XKR9: variants seen among roughly 807,000 people sequenced by gnomAD.
The protein encoded by XKR9 is XK-related protein 9.
XKR9 carries 32 observed loss-of-function variants against 32.0 expected under a neutral mutation model. The ratio of observed to expected loss-of-function variants is 1.00; its 90% confidence interval spans 0.76 to 1.34. The LOEUF is 1.34. XKR9 is among the 40% of genes most tolerant of loss of function. The probability of loss-of-function intolerance (pLI) is 0.00; values close to 1 mark genes in which losing one functional copy is unlikely to be tolerated. For synonymous variants in XKR9, 168 were observed against 143.4 expected (o/e 1.17, Z -1.22); for missense variants, 546 against 429.7 (o/e 1.27, Z -2.39).
chr8:70,847,696 A>G, the XKR9 span, among the ~76,000 whole-genome samples: 4 of 151,942 alleles, frequency 2.6e-5, no homozygotes, highest in Admixed American at 6.6e-5. Context: ...ATGTTCAACT[A>G]TACATCAGAA....
At chr8:70,811,545 A>G in the XKR9 span, among the ~76,000 whole-genome samples, 1 of 152,200 alleles carries the variant, frequency 6.6e-6, no homozygotes, top group East Asian at 1.9e-4. Flanking sequence ...GACTGGTAGC[A>G]AGACTAATAA....
chr8:70,826,747 C>G, the XKR9 span, among the ~76,000 whole-genome samples: 2 of 152,200 alleles, frequency 1.3e-5, no homozygotes, highest in East Asian at 1.9e-4. Flanking sequence ...TGGAGCTTAG[C>G]TGTTTAATAC....
chr8:70,872,902 T>C, the XKR9 span, among the ~76,000 whole-genome samples: 5 of 152,164 alleles, frequency 3.3e-5, no homozygotes, highest in African/African-American at 1.2e-4. Flanking sequence ...TCAGGTGATC[T>C]GCCTGCCTTG....
At chr8:70,806,436 T>C in the XKR9 span, among the ~76,000 whole-genome samples, 2 of 152,106 alleles carry the variant, frequency 1.3e-5, no homozygotes, top group African/African-American at 4.8e-5. Flanking sequence ...TAGACAGAAG[T>C]AGGCCTGAAA....
At chr8:70,916,807 T>C in the XKR9 span, among the ~76,000 whole-genome samples, 1 of 152,064 alleles carries the variant, frequency 6.6e-6, no homozygotes. Flanking sequence ...TTCCATTGAT[T>C]GGAGTATTGA....
the XKR9 span, among the ~76,000 whole-genome samples, chr8:70,868,494 A>G: frequency 2.0e-5 from 3 of 151,508 alleles, no homozygotes; most frequent in Non-Finnish European, 4.4e-5. Context: ...CTCTGAAGCT[A>G]TGGCCCGAGC....
rs575525751 is a variant in XKR9, at chr8:70,705,691, C to T, written c.273-1242C>T. Among the ~76,000 whole-genome samples the T allele has an allele frequency of 6.2e-4, 95 of 152,148 alleles. 2 individuals carry two copies. The highest frequency in any genetic ancestry group is 2.1e-3 in the African/African-American group (86 of 41,524). ...AACATATGATAAGGACTTCGGATTT[C>T]GTTCTAAGTTTGATGGAAATCATTG... is the stretch of plus-strand genomic sequence containing the variant. On this transcript the variant is annotated intron_variant, in intron 3 of 4. Transcript: ENST00000408926.
intron 2 of XKR9, among the ~76,000 whole-genome samples, chr8:70,788,425 C>T (rs144707566): frequency 2.0e-5 from 3 of 152,164 alleles, no homozygotes; most frequent in African/African-American, 7.2e-5. Flanking sequence ...TACCGTTGGG[C>T]AGGTGGGCCA....
At chr8:70,854,379 T>C in the XKR9 span, among the ~76,000 whole-genome samples, 5 of 152,216 alleles carry the variant, frequency 3.3e-5, no homozygotes, top group Non-Finnish European at 7.3e-5. Context: ...GGTTGTTTTT[T>C]TCTTGTAAAT....
the XKR9 span, among the ~76,000 whole-genome samples, chr8:70,880,688 C>G: frequency 6.6e-6 from 1 of 152,070 alleles, no homozygotes; most frequent in Non-Finnish European, 1.5e-5. Context: ...TGAAAATGGC[C>G]GTACTGCCCA....
At chr8:70,762,113 GT>G (rs1406885238) in intron 2 of XKR9, among the ~76,000 whole-genome samples, 1 of 152,098 alleles carries the variant, frequency 6.6e-6, no homozygotes, top group Non-Finnish European at 1.5e-5. Flanking sequence ...CTGTAGTATA[GT>G]TTGAAGTTGG....
At chr8:70,808,626 C>T in the XKR9 span, among the ~76,000 whole-genome samples, 1 of 152,208 alleles carries the variant, frequency 6.6e-6, no homozygotes, top group Non-Finnish European at 1.5e-5. Flanking sequence ...ACAGTCTTAG[C>T]AAATGGCACA....
At chr8:70,737,062 A>G (rs1413392284), downstream of XKR9, among the ~76,000 whole-genome samples, 3 of 151,652 alleles carry the variant, frequency 2.0e-5, no homozygotes, top group Non-Finnish European at 4.4e-5. Context: ...CTTCGGCAGT[A>G]TGGCCATTTT....
At position 70,734,187 on chromosome 8, in the gene XKR9, A is replaced by T. The variant is rs773815820; in HGVS notation, c.885A>T (p.Val295=). 6.2e-7 allele frequency: 1 copy of T among 1,613,518 alleles called. No homozygotes were observed. Among genetic ancestry groups the T allele is most frequent in the Non-Finnish European group, 8.5e-7 (1 of 1,179,694 alleles). The change falls in exon 5 of 5, where the codon GTA becomes GTT. Residue 295 remains valine (V), a synonymous_variant. Coordinates refer to ENST00000408926, the MANE Select transcript of XKR9 (RefSeq NM_001011720.2). The stretch of plus-strand genomic sequence containing the variant: ...TGTCTTGTTATTATATTGTTAGGGT[A>T]CTGGGCACTTTGGGGATATTGACTG... ...CPMSCYYIVR[V]LGTLGILTVF...
the XKR9 span, among the ~76,000 whole-genome samples, chr8:70,934,733 T>A: frequency 6.6e-6 from 1 of 151,982 alleles, no homozygotes; most frequent in East Asian, 1.9e-4. Context: ...GAATTATGCA[T>A]GTTTATTTAG....
the XKR9 span, among the ~76,000 whole-genome samples, chr8:70,892,274 AC>A: frequency 2.6e-5 from 4 of 152,076 alleles, no homozygotes; most frequent in Non-Finnish European, 5.9e-5. Flanking sequence ...ATAGGCAAGG[AC>A]TTACTCATGT....
the XKR9 span, among the ~76,000 whole-genome samples, chr8:70,983,610 G>A: frequency 1.3e-5 from 2 of 151,786 alleles, no homozygotes; most frequent in African/African-American, 4.8e-5. Context: ...GTGAAACCTC[G>A]TCTCTACTAA....
At chr8:70,717,502 C>T (rs1806130927) in intron 4 of XKR9, among the ~76,000 whole-genome samples, 1 of 152,218 alleles carries the variant, frequency 6.6e-6, no homozygotes, top group African/African-American at 2.4e-5. Flanking sequence ...GACTTGTACC[C>T]TCTGAAGCAA....
intron 2 of XKR9, among the ~76,000 whole-genome samples, chr8:70,777,039 T>C (rs1356445137): frequency 4.0e-5 from 6 of 150,816 alleles, no homozygotes; most frequent in Non-Finnish European, 8.9e-5. Flanking sequence ...ACATGTGCCA[T>C]GTTGGTTTGC....
Sources: gnomAD v4.1 joint callset for allele counts (sites outside exome capture counted in the v4.1 genomes callset) on GRCh38, gnomAD v4.1.1 for gene constraint, MANE v1.5 for transcripts, NCBI Gene and HGNC (gene_info 2026-07-23, HGNC 2026-07-21) for gene names.